Variants in NSUN4 observed in about 807,000 individuals in gnomAD.
The protein encoded by NSUN4 is NOP2/Sun RNA methyltransferase 4.
A neutral mutation model predicts 43.8 loss-of-function variants in NSUN4; 31 were observed. The observed-to-expected ratio is 0.71, with a 90% CI of 0.53 to 0.96. NSUN4 has a LOEUF of 0.96. Among genes scored for constraint, NSUN4 ranks in the 40% least tolerant of loss-of-function variants. The pLI, the probability that NSUN4 is intolerant of heterozygous loss-of-function variation, is 0.00. For synonymous variants in NSUN4, 167 were observed against 184.1 expected (o/e 0.91, Z 0.75); for missense variants, 439 against 475.6 (o/e 0.92, Z 0.72).
chr1:46,370,083 T>C (rs1450499203), downstream of NSUN4, among the ~76,000 whole-genome samples: 1 of 152,202 alleles, frequency 6.6e-6, no homozygotes, highest in African/African-American at 2.4e-5. Flanking sequence ...CTTTAGGAGG[T>C]GTACTGGCTG....
the NSUN4 span, among the ~76,000 whole-genome samples, chr1:46,376,712 ATGTGTGTGTG>A: frequency 7.7e-4 from 114 of 148,390 alleles, no homozygotes; most frequent in Non-Finnish European, 1.2e-3. Context: ...TTTAGAGAGC[ATGTGTGTGTG>A]TGTGTGTGTG....
intron 1 of NSUN4, chr1:46,344,144 G>A (rs1169128193): frequency 5.6e-6 from 1 of 177,538 alleles, no homozygotes; most frequent in African/African-American, 2.3e-5. Context: ...TACCCCCATA[G>A]CAGTCATCCT....
the NSUN4 span, among the ~76,000 whole-genome samples, chr1:46,375,568 T>C: frequency 2.0e-5 from 3 of 150,520 alleles, no homozygotes; most frequent in East Asian, 6.0e-4. Flanking sequence ...TCCTTGTCTT[T>C]ACAAAAAATA....
Position 46,361,755 on chromosome 1 carries a change from T to C in NSUN4, c.1064T>C (p.Phe355Ser), listed in dbSNP as rs1424760594. 1 of 1,614,114 alleles carries C rather than the reference T, an allele frequency of 6.2e-7. No homozygotes were observed. The highest frequency in any genetic ancestry group is 8.5e-7 in the Non-Finnish European group (1 of 1,180,050). ...RRVFMDTFCF[F>S]SSCQVGELVI... The stretch of plus-strand genomic sequence containing the variant: ...GTTTTCATGGACACATTTTGTTTCT[T>C]CTCATCCTGTCAGGTTGGGGAGCTG... Residue 355 changes from phenylalanine (F) to serine (S), a missense_variant, in exon 6 of 6, where the codon TTC (phenylalanine) becomes TCC (serine). Phe to Ser is a radical substitution (Grantham distance 155). Coordinates refer to ENST00000474844, the MANE Select transcript of NSUN4 (RefSeq NM_199044.4).
intron 1 of NSUN4, chr1:46,343,128 G>A (rs1372073438): frequency 2.5e-6 from 1 of 399,286 alleles, no homozygotes; most frequent in Non-Finnish European, 4.4e-6. Flanking sequence ...TATATGCTCT[G>A]TGGTTCCCTC....
chr1:46,361,449 C>T, intron 5 of NSUN4, 121 bp from the exon 6 acceptor site: 2 of 844,330 alleles, frequency 2.4e-6, no homozygotes, highest in Non-Finnish European at 3.7e-6. Flanking sequence ...ACTTGAGAGG[C>T]AGTCTAACCA....
At chr1:46,346,035 C>T (rs1046455798) in intron 2 of NSUN4, among the ~76,000 whole-genome samples, 1 of 151,212 alleles carries the variant, frequency 6.6e-6, no homozygotes, top group African/African-American at 2.4e-5. Context: ...CCTGTAGTCC[C>T]AGCTACTTGG....
chr1:46,373,760 TCC>T, the NSUN4 span, among the ~76,000 whole-genome samples: 1 of 152,108 alleles, frequency 6.6e-6, no homozygotes, highest in South Asian at 2.1e-4. Context: ...TGACCTAATC[TCC>T]TCTTCAAGGC....
intron 2 of NSUN4, among the ~76,000 whole-genome samples, chr1:46,346,135 AGCG>A (rs1183586296): frequency 1.4e-5 from 2 of 140,576 alleles, no homozygotes; most frequent in Non-Finnish European, 1.5e-5. Flanking sequence ...TGGGCGACAG[AGCG>A]AGACTCTGTC....
intron 3 of NSUN4, among the ~76,000 whole-genome samples, chr1:46,348,631 C>T (rs1449503971): frequency 2.0e-5 from 3 of 149,428 alleles, no homozygotes. Context: ...ATCGCTTGAA[C>T]CTGGGAGATG....
chr1:46,361,120 C>T (rs1663836578), intron 5 of NSUN4, among the ~76,000 whole-genome samples: 1 of 151,950 alleles, frequency 6.6e-6, no homozygotes, highest in Admixed American at 6.6e-5. Context: ...GCACTCCAGC[C>T]TGGGTAACAG....
chr1:46,355,369 A>G (rs1663290107), intron 4 of NSUN4, among the ~76,000 whole-genome samples: 1 of 152,204 alleles, frequency 6.6e-6, no homozygotes, highest in Non-Finnish European at 1.5e-5. Flanking sequence ...TAGGGCAAGG[A>G]TTCTGGAGTC....
In NSUN4 at chr1:46,363,012, C is replaced by G. The variant is rs1663977135; in HGVS notation, c.*1166C>G. 6.6e-6 allele frequency: 1 copy of G among 151,386 alleles called. No individual in the cohort carries two copies. Among genetic ancestry groups the G allele is most frequent in the Non-Finnish European group, 1.5e-5 (1 of 67,922 alleles). 9.4% of individuals were successfully genotyped at this position (151,386 alleles called of 1,614,324 possible). On this transcript the variant is annotated 3_prime_UTR_variant, in exon 6 of 6. Transcript: ENST00000474844. ...TTTTTTTTTTTTCCTGGAAAACATC[C>G]TGTGCAGAAAAGGGTATATAATTTT...
chr1:46,380,367 G>A, the NSUN4 span, among the ~76,000 whole-genome samples: 1 of 152,174 alleles, frequency 6.6e-6, no homozygotes, highest in African/African-American at 2.4e-5. Context: ...GCAGATTATG[G>A]CTCACAGAAT....
Position 46,353,000 on chromosome 1 carries a change from G to T in NSUN4, c.725G>T (p.Gly242Val). 6.2e-7 allele frequency: 1 copy of T among 1,614,192 alleles called. No individual in the cohort carries two copies. The highest frequency in any genetic ancestry group is 8.5e-7 in the Non-Finnish European group (1 of 1,180,024). The stretch of plus-strand genomic sequence containing the variant: ...ACCTCATGGGATGGCAGGAAATGGG[G>T]AGAACTGGAGGGGGACACCTATGAC... Reference protein sequence around the residue: ...RVTSWDGRKWGELEGDTYDRV... With the variant: ...RVTSWDGRKWVELEGDTYDRV... The change falls in exon 4 of 6, where the codon GGA becomes GTA. Residue 242 changes from glycine (G) to valine (V), a missense_variant. Physicochemically the swap from Gly to Val is moderately radical, Grantham distance 109 (BLOSUM62 -3). Transcript: ENST00000474844.
the NSUN4 span, among the ~76,000 whole-genome samples, chr1:46,374,451 CAT>C: frequency 2.7e-5 from 4 of 149,890 alleles, no homozygotes; most frequent in Non-Finnish European, 5.9e-5. Flanking sequence ...CTACCAAAAA[CAT>C]AAAAAATTAG....
chr1:46,367,784 T>G, downstream of NSUN4, among the ~76,000 whole-genome samples: 1 of 134,422 alleles, frequency 7.4e-6, no homozygotes, highest in Non-Finnish European at 1.7e-5. Context: ...TTTTTTTTTT[T>G]TAAGACAGGG....
At chr1:46,361,378 G>A (rs9661240) in intron 5 of NSUN4, among the ~76,000 whole-genome samples, 192 bp from the exon 6 acceptor site, 34,095 of 152,084 alleles carry the variant, frequency 0.22, 4,293 homozygotes, top group Non-Finnish European at 0.29. Context: ...AGCTCATGGA[G>A]TAAGGTTGGG....
chr1:46,356,513 A>G (rs1031853511), intron 4 of NSUN4, among the ~76,000 whole-genome samples: 1 of 152,156 alleles, frequency 6.6e-6, no homozygotes, highest in Admixed American at 6.5e-5. Flanking sequence ...TAACACGGTG[A>G]AACCCCGTCT....
Sources: gnomAD v4.1 joint callset for allele counts (sites outside exome capture counted in the v4.1 genomes callset) on GRCh38, gnomAD v4.1.1 for gene constraint, MANE v1.5 for transcripts, NCBI Gene and HGNC (gene_info 2026-07-23, HGNC 2026-07-21) for gene names.